Variants in CENPW observed in about 807,000 individuals in gnomAD.
CENPW encodes the protein cancer-up-regulated gene 2 protein.
A neutral mutation model predicts 11.1 loss-of-function variants in CENPW; 3 were observed. The ratio of observed to expected loss-of-function variants is 0.27; its 90% CI spans 0.12 to 0.70. The LOEUF is 0.70. Ranked by LOEUF, CENPW falls within the 30% of genes least tolerant of loss-of-function variation. CENPW has a pLI of 0.77. For missense variants in CENPW, 100 were observed against 105.6 expected, an observed-to-expected ratio of 0.95 and a Z score of 0.23; for synonymous variants, 38 against 42.0, an observed-to-expected ratio of 0.91 and a Z score of 0.37.
chr6:126,366,695 C>T, the CENPW span, among the ~76,000 whole-genome samples: 1 of 152,190 alleles, frequency 6.6e-6, no homozygotes, highest in Non-Finnish European at 1.5e-5. Context: ...TATCCCTGTA[C>T]TTCATGTTAC....
At chr6:126,407,807 G>T in the CENPW span, among the ~76,000 whole-genome samples, 4 of 152,094 alleles carry the variant, frequency 2.6e-5, no homozygotes, top group Non-Finnish European at 5.9e-5. Context: ...ATTTGTTTAA[G>T]TTCCTTGTAG....
chr6:126,425,907 AT>A, the CENPW span, among the ~76,000 whole-genome samples: 1 of 151,844 alleles, frequency 6.6e-6, no homozygotes, highest in African/African-American at 2.4e-5. Context: ...AGTTATGATA[AT>A]TTTCCCCCAA....
At chr6:126,405,110 C>T in the CENPW span, among the ~76,000 whole-genome samples, 10 of 151,958 alleles carry the variant, frequency 6.6e-5, no homozygotes, top group South Asian at 4.2e-4. Context: ...GTCCTGTTTT[C>T]GTCAGGTAGA....
At chr6:126,470,703 AG>A in the CENPW span, among the ~76,000 whole-genome samples, 2 of 152,258 alleles carry the variant, frequency 1.3e-5, no homozygotes, top group Admixed American at 1.3e-4. Flanking sequence ...GTACAGCCAG[AG>A]GGGCAGAGCT....
chr6:126,467,277 A>G, the CENPW span, among the ~76,000 whole-genome samples: 4 of 152,186 alleles, frequency 2.6e-5, no homozygotes, highest in Non-Finnish European at 5.9e-5. Context: ...ACAGCATGGT[A>G]CTGGTACAAA....
the CENPW span, among the ~76,000 whole-genome samples, chr6:126,396,318 C>T: frequency 3.3e-5 from 5 of 152,130 alleles, no homozygotes; most frequent in Admixed American, 3.3e-4. Context: ...GAGCCACTCT[C>T]CACCACCACC....
Position 126,346,289 on chromosome 6 carries a change from A to G in CENPW, c.211A>G (p.Asn71Asp). 1.9e-6 allele frequency: 3 copies of G among 1,607,792 alleles called. No homozygotes were observed. Among genetic ancestry groups the G allele is most frequent in the Non-Finnish European group, 2.6e-6 (3 of 1,175,216 alleles). ...TTGTGCGAGTAAATGTAGAGTCATT[A>G]ACAAGGAGCATGTACTGGCCGCAGC... ...NACASKCRVI[N>D]KEHVLAAAKV... is the part of the protein sequence containing the mutation. The change falls in exon 2 of 3, where the codon AAC becomes GAC. Residue 71 changes from asparagine to aspartate, a missense_variant. Physicochemically the swap from Asn to Asp is conservative, Grantham distance 23. Transcript: ENST00000368328.
the CENPW span, among the ~76,000 whole-genome samples, chr6:126,418,510 AAC>A: frequency 6.6e-6 from 1 of 152,200 alleles, no homozygotes; most frequent in Non-Finnish European, 1.5e-5. Context: ...GGGTAAATGT[AAC>A]ACAGGAGATT....
At chr6:126,396,920 G>A in the CENPW span, among the ~76,000 whole-genome samples, 1 of 152,088 alleles carries the variant, frequency 6.6e-6, no homozygotes, top group South Asian at 2.1e-4. Context: ...TTGAACTAGT[G>A]TCTAAGATGC....
the CENPW span, among the ~76,000 whole-genome samples, chr6:126,371,796 G>GT: frequency 3.3e-5 from 5 of 151,856 alleles, no homozygotes; most frequent in African/African-American, 1.2e-4. Flanking sequence ...TTTCTTCCTG[G>GT]TTTAATCTAC....
chr6:126,388,966 C>T, the CENPW span, among the ~76,000 whole-genome samples: 8 of 151,880 alleles, frequency 5.3e-5, no homozygotes, highest in African/African-American at 1.9e-4. Context: ...CAAAGGGTTT[C>T]CATAGATTTG....
At chr6:126,344,328 G>A (rs1243961053) in intron 1 of CENPW, among the ~76,000 whole-genome samples, 2 of 152,162 alleles carry the variant, frequency 1.3e-5, no homozygotes, top group African/African-American at 4.8e-5. Flanking sequence ...ATGCCTAGAG[G>A]CAAGGTTGCA....
the CENPW span, among the ~76,000 whole-genome samples, chr6:126,416,456 G>A: frequency 6.6e-6 from 1 of 152,200 alleles, no homozygotes; most frequent in Non-Finnish European, 1.5e-5. Flanking sequence ...CGAGCCAAAT[G>A]TGAATTCTCA....
At chr6:126,416,635 A>G in the CENPW span, among the ~76,000 whole-genome samples, 2 of 152,084 alleles carry the variant, frequency 1.3e-5, no homozygotes, top group African/African-American at 4.8e-5. Flanking sequence ...TGCTCCATCC[A>G]TGGCTGAAAG....
At position 126,346,331 on chromosome 6, in the gene CENPW, T is replaced by G. The variant is rs202069697; in HGVS notation, c.240+13T>G. ...GGCCGCAGCAAAGGTAAAATCCAAA[T>G]TTCTTTTCTCGAGCAAGAATTAAAC... On this transcript the variant is annotated intron_variant, in intron 2 of 2. Transcript: ENST00000368328. 498 of 1,542,630 alleles carry G rather than the reference T, an allele frequency of 3.2e-4. 4 individuals are homozygous for G. The East Asian group carries it at 7.7e-3, about 24-fold the overall frequency.
At chr6:126,378,388 C>T in the CENPW span, among the ~76,000 whole-genome samples, 10 of 151,462 alleles carry the variant, frequency 6.6e-5, no homozygotes, top group South Asian at 2.1e-4. Flanking sequence ...AACCATGGTA[C>T]GACAACTCAT....
At chr6:126,383,809 C>T in the CENPW span, among the ~76,000 whole-genome samples, 1 of 152,068 alleles carries the variant, frequency 6.6e-6, no homozygotes, top group Non-Finnish European at 1.5e-5. Flanking sequence ...ACTTAGACTC[C>T]TAGACAGTAA....
At chr6:126,475,442 G>C in the CENPW span, among the ~76,000 whole-genome samples, 1 of 151,952 alleles carries the variant, frequency 6.6e-6, no homozygotes, top group Non-Finnish European at 1.5e-5. Context: ...TTGTAAAAAT[G>C]AAAGGTTATA....
chr6:126,353,785 TTC>T (rs1780518806), downstream of CENPW, among the ~76,000 whole-genome samples: 1 of 152,140 alleles, frequency 6.6e-6, no homozygotes, highest in South Asian at 2.1e-4. Flanking sequence ...ATTGAATTTT[TTC>T]TCTGTCTTTT....
Sources: gnomAD v4.1 joint callset for allele counts (sites outside exome capture counted in the v4.1 genomes callset) on GRCh38, gnomAD v4.1.1 for gene constraint, MANE v1.5 for transcripts, NCBI Gene and HGNC (gene_info 2026-07-23, HGNC 2026-07-21) for gene names.